STK17A: variants seen among roughly 807,000 people sequenced by gnomAD.
STK17A encodes the protein serine/threonine-protein kinase 17A.
Under a neutral mutation model 43.7 loss-of-function variants are expected in STK17A, and 26 were observed. That is an observed-to-expected ratio of 0.60 (90% confidence interval 0.44 to 0.83). The LOEUF is 0.83. Ranked by LOEUF, STK17A falls within the 40% of genes least tolerant of loss-of-function variation. The pLI, the probability that STK17A is intolerant of heterozygous loss-of-function variation, is 0.00. For missense variants in STK17A, 476 were observed against 511.6 expected (o/e 0.93, Z 0.67); for synonymous variants, 191 against 182.5 (o/e 1.05, Z -0.38).
At chr7:43,615,510 G>A (rs1252254357) in intron 3 of STK17A, among the ~76,000 whole-genome samples, 1 of 152,054 alleles carries the variant, frequency 6.6e-6, no homozygotes, top group African/African-American at 2.4e-5. Flanking sequence ...ATTAACATAC[G>A]AAAACTAAAA....
chr7:43,612,506 C>T (rs528916501), intron 3 of STK17A, among the ~76,000 whole-genome samples: 1 of 152,292 alleles, frequency 6.6e-6, no homozygotes, highest in Admixed American at 6.5e-5. Flanking sequence ...CCCACATTGC[C>T]TCAAAGCTAA....
chr7:43,605,894 G>A (rs1188326757), intron 2 of STK17A, among the ~76,000 whole-genome samples: 5 of 151,762 alleles, frequency 3.3e-5, no homozygotes, highest in Non-Finnish European at 5.9e-5. Flanking sequence ...AGTGTACCAT[G>A]TATTTTTTAC....
At chr7:43,610,522 C>T (rs2082763392) in intron 3 of STK17A, among the ~76,000 whole-genome samples, 1 of 151,182 alleles carries the variant, frequency 6.6e-6, no homozygotes, top group South Asian at 2.1e-4. Context: ...AAAAAATTAG[C>T]CAAGTGTGGT....
intron 2 of STK17A, among the ~76,000 whole-genome samples, chr7:43,606,916 C>CTTTTTCTT: frequency 1.6e-5 from 1 of 62,648 alleles, no homozygotes; most frequent in Non-Finnish European, 2.7e-5. Context: ...TTTCGATTTT[C>CTTTTTCTT]TTTTTTTTTT....
chr7:43,612,545 T>G (rs2082969078), intron 3 of STK17A, among the ~76,000 whole-genome samples: 1 of 152,266 alleles, frequency 6.6e-6, no homozygotes, highest in Non-Finnish European at 1.5e-5. Context: ...CTCTAAAAAC[T>G]GATAATCCCA....
chr7:43,587,110 A>G (rs1278669657), intron 1 of STK17A, among the ~76,000 whole-genome samples: 2 of 146,074 alleles, frequency 1.4e-5, no homozygotes, highest in African/African-American at 2.5e-5. Flanking sequence ...GACTAAAGCA[A>G]TTTCCTGTCA....
intron 1 of STK17A, among the ~76,000 whole-genome samples, chr7:43,585,079 C>T (rs768951674): frequency 2.0e-5 from 3 of 152,072 alleles, no homozygotes; most frequent in Non-Finnish European, 4.4e-5. Flanking sequence ...CGCCTGTAAT[C>T]CCAGCTACTC....
intron 6 of STK17A, 43 bp from the exon 7 acceptor site, chr7:43,624,475 G>C: frequency 2.6e-6 from 4 of 1,535,300 alleles, no homozygotes; most frequent in Non-Finnish European, 3.5e-6. Flanking sequence ...AATTTTAATT[G>C]AAGTTCTAAC....
intron 3 of STK17A, among the ~76,000 whole-genome samples, chr7:43,613,126 T>A (rs1041550647): frequency 6.3e-4 from 96 of 152,210 alleles, no homozygotes; most frequent in Non-Finnish European, 1.0e-4. Context: ...TCTATTGCTC[T>A]TTTTTCTTCA....
chr7:43,601,970 C>T, intron 2 of STK17A, among the ~76,000 whole-genome samples: 1 of 152,126 alleles, frequency 6.6e-6, no homozygotes, highest in East Asian at 1.9e-4. Flanking sequence ...TCATGAGATA[C>T]CTAGCCTTTT....
At chr7:43,586,407 A>G (rs1273284292) in intron 1 of STK17A, among the ~76,000 whole-genome samples, 1 of 151,634 alleles carries the variant, frequency 6.6e-6, no homozygotes, top group Non-Finnish European at 1.5e-5. Flanking sequence ...GCATTCTTTC[A>G]TGTCTCCAAC....
In STK17A at chr7:43,583,294, C is replaced by A; in HGVS notation, c.51C>A (p.Thr17=). 1 of 1,539,336 alleles carries A rather than the reference C, an allele frequency of 6.5e-7. No individual in the cohort carries two copies. Among genetic ancestry groups the A allele is most frequent in the Non-Finnish European group, 8.7e-7 (1 of 1,146,278 alleles). The change falls in exon 1 of 7, where the codon ACC becomes ACA. Residue 17 remains threonine (T), a synonymous_variant. Coordinates refer to ENST00000319357, the MANE Select transcript of STK17A (RefSeq NM_004760.3). The stretch of plus-strand genomic sequence containing the variant: ...GCGGCGGCTCCTCCCCAGGCGCCAC[C>A]TCAGGCTCGGGCCGGGCAGGCCGGG... ...PGSGGSSPGA[T]SGSGRAGRGL... is the part of the protein sequence containing the mutation.
intron 1 of STK17A, among the ~76,000 whole-genome samples, chr7:43,589,200 T>G (rs987357541): frequency 6.6e-6 from 1 of 151,500 alleles, no homozygotes; most frequent in African/African-American, 2.4e-5. Context: ...ATACTAGGTG[T>G]GCTGATTATA....
intron 1 of STK17A, among the ~76,000 whole-genome samples, chr7:43,593,618 A>C (rs970634885): frequency 1.3e-5 from 2 of 150,772 alleles, no homozygotes; most frequent in Non-Finnish European, 3.0e-5. Context: ...TTTAATTTGC[A>C]TTTCTCTGAT....
Position 43,583,129 on chromosome 7 carries a change from G to T in STK17A, c.-115G>T, listed in dbSNP as rs1583542122. 1 of 1,145,280 alleles carries T rather than the reference G, an allele frequency of 8.7e-7. No homozygotes were observed. The highest frequency in any genetic ancestry group is 1.2e-6 in the Non-Finnish European group (1 of 816,686). 70.9% of individuals were successfully genotyped at this position (1,145,280 alleles called of 1,614,324 possible). A position where few individuals can be genotyped will look rare whatever the true frequency, so the allele number is the denominator to read the frequency against. ...TGCCGCAGTCCGAGCGCCGCGCTGG[G>T]GAGAGCGGGTGTTTGAAGGCTCCGC... On this transcript the variant is annotated 5_prime_UTR_variant, in exon 1 of 7. Transcript: ENST00000319357.
At chr7:43,600,573 G>A (rs993388055) in intron 2 of STK17A, among the ~76,000 whole-genome samples, 2 of 152,068 alleles carry the variant, frequency 1.3e-5, no homozygotes, top group East Asian at 1.9e-4. Flanking sequence ...TTTTTATAAT[G>A]TAAATTTTAA....
At chr7:43,587,586 T>C (rs1349976222) in intron 1 of STK17A, among the ~76,000 whole-genome samples, 1 of 151,520 alleles carries the variant, frequency 6.6e-6, no homozygotes, top group East Asian at 1.9e-4. Context: ...CCTAGATTGA[T>C]GGCTGTAGGT....
At chr7:43,603,009 T>C (rs1162044601) in intron 2 of STK17A, among the ~76,000 whole-genome samples, 1 of 152,186 alleles carries the variant, frequency 6.6e-6, no homozygotes, top group East Asian at 1.9e-4. Flanking sequence ...GAAGTTATCC[T>C]TAATTCCTTT....
intron 2 of STK17A, among the ~76,000 whole-genome samples, chr7:43,599,604 C>T (rs904657966): frequency 6.6e-6 from 1 of 152,126 alleles, no homozygotes; most frequent in African/African-American, 2.4e-5. Flanking sequence ...TCCCCAGTAC[C>T]AAATCTTTAT....
Sources: gnomAD v4.1 joint callset for allele counts (sites outside exome capture counted in the v4.1 genomes callset) on GRCh38, gnomAD v4.1.1 for gene constraint, MANE v1.5 for transcripts, NCBI Gene and HGNC (gene_info 2026-07-23, HGNC 2026-07-21) for gene names.